The following PEMT variants were observed in gnomAD, a reference collection of about 807,000 sequenced individuals.
The protein encoded by PEMT is phosphatidylethanolamine N-methyltransferase, also known as phospholipid methyltransferase.
PEMT carries 23 observed loss-of-function variants against 27.4 expected under a neutral mutation model. That is an observed-to-expected ratio of 0.84 (90% CI 0.60 to 1.19). The LOEUF is 1.19. Ranked by LOEUF, PEMT falls within the 50% of genes most tolerant of loss-of-function variation. The pLI is 0.00. For synonymous variants in PEMT, 137 were observed against 139.1 expected (o/e 0.98, Z 0.11); for missense variants, 307 against 310.1 (o/e 0.99, Z 0.07).
chr17:17,522,236 C>A (rs1278812498), intron 3 of PEMT, 44 bp downstream of exon 3: 2 of 1,438,650 alleles, frequency 1.4e-6, no homozygotes, highest in Non-Finnish European at 2.0e-6. Flanking sequence ...GGCCCTCCCG[C>A]TAGCCCAGGG....
chr17:17,529,512 A>G (rs1907938878), intron 2 of PEMT, among the ~76,000 whole-genome samples: 1 of 152,200 alleles, frequency 6.6e-6, no homozygotes, highest in African/African-American at 2.4e-5. Context: ...ATCCCTGTCC[A>G]AGGTGCACCC....
intron 2 of PEMT, among the ~76,000 whole-genome samples, chr17:17,539,991 A>T (rs1290893909): frequency 1.3e-5 from 2 of 152,224 alleles, no homozygotes; most frequent in Admixed American, 6.5e-5. Context: ...CCACCCCAGG[A>T]GTGCAGGGAC....
chr17:17,518,340 G>T (rs903735721), intron 3 of PEMT, among the ~76,000 whole-genome samples: 6 of 152,212 alleles, frequency 3.9e-5, no homozygotes, highest in East Asian at 3.8e-4. Context: ...TCAGAGGGTA[G>T]CGGTCCAGCC....
At chr17:17,526,363 C>T (rs1192090626) in intron 2 of PEMT, among the ~76,000 whole-genome samples, 1 of 152,198 alleles carries the variant, frequency 6.6e-6, no homozygotes, top group African/African-American at 2.4e-5. Flanking sequence ...GACAGCACTT[C>T]ATAGGCAAAT....
At chr17:17,535,922 G>A (rs776817465) in intron 2 of PEMT, among the ~76,000 whole-genome samples, 57 of 152,232 alleles carry the variant, frequency 3.7e-4, no homozygotes, top group Non-Finnish European at 6.8e-4. Flanking sequence ...CTTCCCTAAG[G>A]GTGACAGTCC....
At chr17:17,590,710 G>C (rs1333942938) in intron 1 of PEMT, among the ~76,000 whole-genome samples, 1 of 152,266 alleles carries the variant, frequency 6.6e-6, no homozygotes, top group Non-Finnish European at 1.5e-5. Flanking sequence ...GCTTGGGGCA[G>C]AGATGTGCCT....
At chr17:17,552,311 CAA>C (rs796265123) in intron 2 of PEMT, among the ~76,000 whole-genome samples, 1 of 142,358 alleles carries the variant, frequency 7.0e-6, no homozygotes, top group African/African-American at 2.6e-5. Context: ...GACTCTGACT[CAA>C]AAAAAAAAAA....
rs1336454315 is a variant in PEMT, at chr17:17,582,746, T to C, written c.97-5719A>G. On this transcript the variant is annotated intron_variant, in intron 1 of 6. Transcript: ENST00000255389. The surrounding 1 kb of genome is among the most constrained non-coding windows in gnomAD (Gnocchi z 4.9). ...CCTGGCACAAAGACATAAGGATGAG[T>C]GTGCCAGAGTCTTTTTCCTCTAAGT... 6.6e-6 allele frequency among the ~76,000 whole-genome samples: 1 copy of C among 152,132 alleles called. No individual in the cohort carries two copies. The highest frequency in any genetic ancestry group is 2.4e-5 in the African/African-American group (1 of 41,428).
At chr17:17,537,723 G>T (rs1908583435) in intron 2 of PEMT, among the ~76,000 whole-genome samples, 1 of 152,264 alleles carries the variant, frequency 6.6e-6, no homozygotes, top group African/African-American at 2.4e-5. Flanking sequence ...CTGGCCCTGA[G>T]ACTGGGAGAG....
At chr17:17,584,290 G>A (rs1478746036) in intron 1 of PEMT, among the ~76,000 whole-genome samples, 1 of 152,116 alleles carries the variant, frequency 6.6e-6, no homozygotes, top group Non-Finnish European at 1.5e-5. Context: ...CTCCTAAGTA[G>A]CTGGGACTAC....
At chr17:17,518,424 G>A (rs964407508) in intron 3 of PEMT, among the ~76,000 whole-genome samples, 2 of 152,204 alleles carry the variant, frequency 1.3e-5, no homozygotes, top group African/African-American at 4.8e-5. Flanking sequence ...GAGCCCATCA[G>A]CCTTCCTCCC....
At chr17:17,520,026 G>C (rs1378902366) in intron 3 of PEMT, among the ~76,000 whole-genome samples, 1 of 152,180 alleles carries the variant, frequency 6.6e-6, no homozygotes, top group African/African-American at 2.4e-5. Context: ...TGGTGGAACA[G>C]CTCAGCGTGC....
intron 3 of PEMT, among the ~76,000 whole-genome samples, chr17:17,521,802 G>A (rs1317216230): frequency 6.6e-6 from 1 of 152,078 alleles, no homozygotes; most frequent in Non-Finnish European, 1.5e-5. Flanking sequence ...CCTAACCTCA[G>A]GTGATCCACC....
intron 2 of PEMT, among the ~76,000 whole-genome samples, chr17:17,533,401 A>C (rs900880162): frequency 6.6e-6 from 1 of 152,246 alleles, no homozygotes; most frequent in African/African-American, 2.4e-5. Flanking sequence ...ACATAGGTAT[A>C]AATCTTCATG....
intron 3 of PEMT, among the ~76,000 whole-genome samples, chr17:17,520,382 T>A (rs62063651): frequency 0.017 from 2,566 of 152,306 alleles, 34 homozygotes; most frequent in Non-Finnish European, 0.027. Flanking sequence ...GATGGAATCT[T>A]TTCTCCCTAA....
chr17:17,537,857 C>T (rs1241483078), intron 2 of PEMT, among the ~76,000 whole-genome samples: 1 of 152,232 alleles, frequency 6.6e-6, no homozygotes, highest in Non-Finnish European at 1.5e-5. Context: ...TCCTTCCCGC[C>T]ACTCAGCCTT....
At chr17:17,577,253 G>A (rs1911664487) in intron 1 of PEMT, among the ~76,000 whole-genome samples, 1 of 152,208 alleles carries the variant, frequency 6.6e-6, no homozygotes, top group Admixed American at 6.5e-5. Context: ...GTGCCTGGAT[G>A]CCAGATGAGG....
intron 2 of PEMT, among the ~76,000 whole-genome samples, chr17:17,557,567 C>T (rs866698987): frequency 1.2e-4 from 19 of 152,226 alleles, no homozygotes; most frequent in African/African-American, 4.6e-4. Context: ...AGTCAACTTC[C>T]TGCTCATGGC....
intron 5 of PEMT, 123 bp downstream of exon 5, chr17:17,509,311 C>A: frequency 1.5e-6 from 1 of 664,998 alleles, no homozygotes; most frequent in East Asian, 2.7e-5. Flanking sequence ...GCCTAGGCCC[C>A]CACAAATGAC....
Sources: allele counts gnomAD v4.1 joint callset (sites outside exome capture counted in the v4.1 genomes callset), GRCh38; gene constraint gnomAD v4.1.1; non-coding constraint Gnocchi (gnomAD v3.1); transcripts MANE v1.5; gene names NCBI Gene and HGNC (gene_info 2026-07-23, HGNC 2026-07-21).